The following ARSB variants were observed in gnomAD, a reference collection of about 807,000 sequenced individuals.
The protein encoded by ARSB is N-acetylgalactosamine-4-sulfatase.
ARSB carries 41 observed loss-of-function variants against 50.9 expected under a neutral mutation model. The ratio of observed to expected loss-of-function variants is 0.81; its 90% CI spans 0.63 to 1.04. ARSB has a LOEUF of 1.04. ARSB is among the 50% of genes least tolerant of loss of function. The pLI is 0.00. For missense variants in ARSB, 672 were observed against 693.3 expected, an observed-to-expected ratio of 0.97 and a Z score of 0.35; for synonymous variants, 269 against 284.8, an observed-to-expected ratio of 0.94 and a Z score of 0.56.
chr5:78,873,439 T>G (rs547916665), intron 5 of ARSB, among the ~76,000 whole-genome samples: 43 of 150,804 alleles, frequency 2.9e-4, no homozygotes, highest in African/African-American at 9.7e-4. Context: ...ATAATACCTA[T>G]AACTAGGAGT....
At chr5:78,791,266 C>A (rs575914854) in intron 6 of ARSB, among the ~76,000 whole-genome samples, 2 of 152,264 alleles carry the variant, frequency 1.3e-5, no homozygotes, top group South Asian at 2.1e-4. Context: ...AATGTACAGG[C>A]AAGATTTAGG....
intron 4 of ARSB, among the ~76,000 whole-genome samples, chr5:78,935,730 C>T (rs1293100881): frequency 2.6e-5 from 4 of 152,184 alleles, no homozygotes; most frequent in Non-Finnish European, 5.9e-5. Context: ...GTGCTGCAAT[C>T]TCATCAGTAC....
At chr5:78,797,205 G>A (rs1012679070) in intron 6 of ARSB, among the ~76,000 whole-genome samples, 14 of 152,074 alleles carry the variant, frequency 9.2e-5, no homozygotes, top group South Asian at 4.2e-4. Flanking sequence ...CTTGTGATCC[G>A]CCTGCCTTGG....
intron 5 of ARSB, among the ~76,000 whole-genome samples, chr5:78,852,567 G>A (rs2112054476): frequency 6.6e-6 from 1 of 152,182 alleles, no homozygotes; most frequent in South Asian, 2.1e-4. Context: ...GTATCTTTGT[G>A]GCATTTTCTG....
intron 6 of ARSB, among the ~76,000 whole-genome samples, chr5:78,787,122 C>CTATCTATT (rs1554070211): frequency 2.9e-4 from 44 of 150,792 alleles, no homozygotes; most frequent in African/African-American, 1.0e-3. Context: ...ATCTATCTAT[C>CTATCTATT]TATCTATCTA....
chr5:78,921,057 T>C (rs1265463216), intron 4 of ARSB, among the ~76,000 whole-genome samples: 1 of 152,186 alleles, frequency 6.6e-6, no homozygotes, highest in African/African-American at 2.4e-5. Context: ...AATTCAAAGC[T>C]GACACAGATG....
intron 6 of ARSB, among the ~76,000 whole-genome samples, chr5:78,791,543 C>G (rs189563239): frequency 2.5e-4 from 38 of 152,340 alleles, no homozygotes; most frequent in African/African-American, 9.1e-4. Flanking sequence ...CCTCCCAGAT[C>G]AGCGCACCCA....
Position 78,985,238 on chromosome 5 carries a change from C to T in ARSB, c.11G>A (p.Arg4His). The T allele has an allele frequency of 7.5e-7, 1 of 1,324,682 alleles. No individual in the cohort carries two copies. The allele number at this position is 1,324,682 out of a possible 1,614,324, so 82.1% of individuals were successfully genotyped here. MGP[R>H]GAASLPRGPG... ...GCCTCGGGGCAAGCTCGCCGCGCCG[C>T]GCGGACCCATCCTTGTCCGCCCGCG... Residue 4 changes from arginine (R) to histidine (H), a missense_variant, in exon 1 of 8, where the codon CGC becomes CAC. Arg to His is a conservative substitution (Grantham distance 29, BLOSUM62 0). Coordinates refer to ENST00000264914, the MANE Select transcript of ARSB (RefSeq NM_000046.5).
chr5:78,839,508 T>C lies in ARSB; in HGVS notation c.1143-82A>G, dbSNP rs1486929058. ...TTTTAATACTTCCCTTCCTTGTACT[T>C]ATAGGAAATAACAAACCTGCCAGTT... On this transcript the variant is annotated intron_variant, in intron 5 of 7. Coordinates refer to ENST00000264914, the MANE Select transcript of ARSB (RefSeq NM_000046.5). 2.3e-6 allele frequency: 3 copies of C among 1,303,900 alleles called. No homozygotes were observed. The African/African-American group carries it at 4.4e-5, about 19-fold the overall frequency. The allele number at this position is 1,303,900 out of a possible 1,614,324, so 80.8% of individuals were successfully genotyped here. A position where few individuals can be genotyped will look rare whatever the true frequency, so the allele number is the denominator to read the frequency against.
In ARSB at chr5:78,781,930, G is replaced by A; in HGVS notation, c.1258C>T (p.Pro420Ser). The A allele has an allele frequency of 6.2e-7, 1 of 1,614,136 alleles. No homozygotes were observed. ...MAPAKDDSSLPEYSAFNTSVH... is the reference protein window; with the variant it reads ...MAPAKDDSSLSEYSAFNTSVH... ...GATGTGTTAAAGGCTGAATATTCTG[G>A]AAGAGAAGAGTCATCCTTTGCTGGA... The change falls in exon 7 of 8, where the codon CCA (proline) becomes TCA (serine). Residue 420 changes from proline to serine, a missense_variant. Pro to Ser is a moderately conservative substitution (Grantham distance 74). Coordinates refer to ENST00000264914, the MANE Select transcript of ARSB (RefSeq NM_000046.5).
chr5:78,888,177 C>T (rs1748121923), intron 4 of ARSB, among the ~76,000 whole-genome samples: 1 of 152,202 alleles, frequency 6.6e-6, no homozygotes, highest in East Asian at 1.9e-4. Context: ...CAAACCTCCC[C>T]ACATCACTTC....
Position 78,969,065 on chromosome 5 carries a change from T to A in ARSB, c.440A>T (p.His147Leu). ...GCATTCTTTCCGGTACATTCCCAGG[T>A]GCCATTTTCCGACCATATGGGTAGT... ...GYTTHMVGKWHLGMYRKECLP... is the reference protein window; with the variant it reads ...GYTTHMVGKWLLGMYRKECLP... Residue 147 changes from histidine to leucine, a missense_variant, in exon 2 of 8, where the codon CAC becomes CTC. By Grantham distance (99) the His-to-Leu change is moderately conservative. Coordinates refer to ENST00000264914, the MANE Select transcript of ARSB (RefSeq NM_000046.5). 6.2e-7 allele frequency: 1 copy of A among 1,614,206 alleles called. No homozygotes were observed. Among genetic ancestry groups the A allele is most frequent in the Non-Finnish European group, 8.5e-7 (1 of 1,180,020 alleles).
At position 78,985,117 on chromosome 5, in the gene ARSB, C is replaced by A. The variant is rs749069139; in HGVS notation, c.132G>T (p.Pro44=). 6.7e-7 allele frequency: 1 copy of A among 1,495,022 alleles called. No homozygotes were observed. The highest frequency in any genetic ancestry group is 2.8e-5 in the East Asian group (1 of 35,988). The allele number at this position is 1,495,022 out of a possible 1,614,324, so 92.6% of individuals were successfully genotyped here. A position where few individuals can be genotyped will look rare whatever the true frequency, so the allele number is the denominator to read the frequency against. The part of the protein sequence containing the change: ...PPGSGAGASR[P]PHLVFLLADD... Reference sequence around the variant, plus strand: ...CTGCCAGCAAGAAGACCAGGTGGGGCGGCCGGCTGGCCCCGGCGCCCGAGC... The same window carrying A: ...CTGCCAGCAAGAAGACCAGGTGGGGAGGCCGGCTGGCCCCGGCGCCCGAGC... The change falls in exon 1 of 8, where the codon CCG becomes CCT. Residue 44 remains proline, a synonymous_variant. Coordinates refer to ENST00000264914, the MANE Select transcript of ARSB (RefSeq NM_000046.5).
At chr5:78,973,875 T>C (rs1430255179) in intron 1 of ARSB, among the ~76,000 whole-genome samples, 1 of 152,166 alleles carries the variant, frequency 6.6e-6, no homozygotes, top group Non-Finnish European at 1.5e-5. Context: ...CATATCCTCA[T>C]GTGCCCACAT....
At chr5:78,811,099 G>A (rs1044699422) in intron 6 of ARSB, among the ~76,000 whole-genome samples, 17 of 152,166 alleles carry the variant, frequency 1.1e-4, no homozygotes, top group African/African-American at 4.1e-4. Flanking sequence ...AGAAGCATGC[G>A]TTTGACACTC....
intron 6 of ARSB, among the ~76,000 whole-genome samples, chr5:78,834,673 A>T (rs1744868163): frequency 7.3e-6 from 1 of 137,602 alleles, no homozygotes; most frequent in Admixed American, 7.7e-5. Flanking sequence ...TCATCCATTC[A>T]CTGATGGACA....
intron 4 of ARSB, among the ~76,000 whole-genome samples, chr5:78,947,431 G>A (rs1391002485): frequency 1.3e-5 from 2 of 151,846 alleles, no homozygotes; most frequent in Non-Finnish European, 2.9e-5. Flanking sequence ...ACAACTCTAT[G>A]GGGAAAAAAA....
chr5:78,874,959 A>C lies in ARSB; in HGVS notation c.1142+10625T>G, dbSNP rs548855420. 1.2e-3 allele frequency among the ~76,000 whole-genome samples: 181 copies of C among 152,210 alleles called. 2 individuals are homozygous for C. The highest frequency in any genetic ancestry group is 4.2e-4 in the South Asian group (2 of 4,816). ...CCCTGCCTCTACAAAATAAAAATTT[A>C]AAAATTAGCTGGTTATAGCAGTACA... On this transcript the variant is annotated intron_variant, in intron 5 of 7. Transcript: ENST00000264914.
chr5:78,937,417 A>AT (rs1750676610), intron 4 of ARSB, among the ~76,000 whole-genome samples: 5 of 140,646 alleles, frequency 3.6e-5, no homozygotes, highest in Non-Finnish European at 3.0e-5. Context: ...TATATGTAAG[A>AT]TATATATATC....
Sources: allele counts gnomAD v4.1 joint callset (sites outside exome capture counted in the v4.1 genomes callset), GRCh38; gene constraint gnomAD v4.1.1; transcripts MANE v1.5; gene names NCBI Gene and HGNC (gene_info 2026-07-23, HGNC 2026-07-21).